MAN2B2: variants seen among roughly 807,000 people sequenced by gnomAD.
MAN2B2 encodes epididymis-specific alpha-mannosidase.
A neutral mutation model predicts 117.1 loss-of-function variants in MAN2B2; 106 were observed. The ratio of observed to expected loss-of-function variants is 0.90; its 90% confidence interval spans 0.77 to 1.06. The LOEUF (loss-of-function observed/expected upper bound fraction) is 1.06. Among genes scored for constraint, MAN2B2 ranks in the 50% least tolerant of loss-of-function variants. MAN2B2 has a pLI of 0.00. For synonymous variants in MAN2B2, 544 were observed against 595.1 expected, an observed-to-expected ratio of 0.91 and a Z score of 1.25; for missense variants, 1,326 against 1,381.4, an observed-to-expected ratio of 0.96 and a Z score of 0.64.
Position 6,579,075 on chromosome 4 carries a change from C to T in MAN2B2, c.391+577C>T, listed in dbSNP as rs796756886. ...ATCACCACCACCATCACCATCACCA[C>T]CACCACCACCATCACCATCACCAGC... is the stretch of plus-strand genomic sequence containing the variant. On this transcript the variant is annotated intron_variant, in intron 3 of 18. Coordinates refer to ENST00000285599, the MANE Select transcript of MAN2B2 (RefSeq NM_015274.3). Among the ~76,000 whole-genome samples, 571 of 66,460 alleles carry T rather than the reference C, an allele frequency of 8.6e-3. 3 individuals carry two copies. Among genetic ancestry groups the T allele is most frequent in the East Asian group, 0.013 (25 of 1,874 alleles). The allele number at this position is 66,460 out of a possible 152,430, so 43.6% of individuals were successfully genotyped here.
chr4:6,575,357 C>T lies in MAN2B2; in HGVS notation c.138+9C>T, dbSNP rs1005487702. On this transcript the variant is annotated intron_variant, in intron 1 of 18. Coordinates refer to ENST00000285599, the MANE Select transcript of MAN2B2 (RefSeq NM_015274.3). ...GGGTCTACACTGTGCAGGTAGGTGC[C>T]GACCACGCCCCGCGCGCCCCTGAGG... The T allele has an allele frequency of 7.2e-6, 11 of 1,520,224 alleles. No individual in the cohort carries two copies. Among genetic ancestry groups the T allele is most frequent in the African/African-American group, 5.6e-5 (4 of 71,574 alleles). 94.2% of individuals were successfully genotyped at this position (1,520,224 alleles called of 1,614,324 possible).
Position 6,589,173 on chromosome 4 carries a change from C to T in MAN2B2, c.680+13C>T. The T allele has an allele frequency of 1.3e-6, 2 of 1,589,208 alleles. No homozygotes were observed. The highest frequency in any genetic ancestry group is 1.7e-6 in the Non-Finnish European group (2 of 1,157,226). ...CTTTCTCCAACAGGTACGTGCCCTT[C>T]CGCAGTGCCTTTGGGATCTCAGACA... On this transcript the variant is annotated intron_variant, in intron 5 of 18. Transcript: ENST00000285599.
At chr4:6,620,839 C>T (rs537217557) in intron 18 of MAN2B2, 20 of 228,266 alleles carry the variant, frequency 8.8e-5, no homozygotes, top group Middle Eastern at 1.5e-3. Context: ...CAGATGGTCT[C>T]AGAAAGCTCT....
At chr4:6,577,941 A>G (rs542028620) in intron 2 of MAN2B2, among the ~76,000 whole-genome samples, 3 of 152,334 alleles carry the variant, frequency 2.0e-5, no homozygotes, top group East Asian at 3.9e-4. Flanking sequence ...CACCTTAAGA[A>G]ACAAACCAAA....
chr4:6,611,736 G>A (rs1003782117), intron 15 of MAN2B2, among the ~76,000 whole-genome samples: 1 of 152,310 alleles, frequency 6.6e-6, no homozygotes, highest in African/African-American at 2.4e-5. Context: ...AGAGGTTGCA[G>A]GGAGCTGAGA....
chr4:6,617,270 A>T (rs1711925148), intron 16 of MAN2B2, 110 bp from the exon 17 acceptor site: 1 of 756,464 alleles, frequency 1.3e-6, no homozygotes, highest in South Asian at 1.7e-5. Flanking sequence ...CATATCGAGG[A>T]GGTTACAGAT....
intron 7 of MAN2B2, among the ~76,000 whole-genome samples, chr4:6,596,089 G>A (rs542736372): frequency 6.6e-5 from 10 of 152,192 alleles, no homozygotes; most frequent in Middle Eastern, 3.4e-3. Flanking sequence ...GGATATACCC[G>A]AGTCAAGTTG....
chr4:6,608,994 G>C (rs536538360), intron 11 of MAN2B2, 113 bp from the exon 12 acceptor site: 1 of 936,398 alleles, frequency 1.1e-6, no homozygotes, highest in South Asian at 1.7e-5. Context: ...ACATGGCCTC[G>C]TGAGTGCTAC....
chr4:6,575,723 G>C (rs1199457375), intron 1 of MAN2B2, among the ~76,000 whole-genome samples: 1 of 152,168 alleles, frequency 6.6e-6, no homozygotes, highest in Non-Finnish European at 1.5e-5. Context: ...GGTCCCCTGC[G>C]GGGCTGAATA....
chr4:6,579,337 C>CACCACCACCATCACCACCACCACCAT (rs1726312313), intron 3 of MAN2B2, among the ~76,000 whole-genome samples: 1 of 83,190 alleles, frequency 1.2e-5, no homozygotes, highest in Non-Finnish European at 2.6e-5. Context: ...ACCACCACCA[C>CACCACCACCATCACCACCACCACCAT]CACCATCACC....
At chr4:6,576,758 G>A (rs1182905340) in intron 2 of MAN2B2, 34 bp downstream of exon 2, 3 of 1,609,678 alleles carry the variant, frequency 1.9e-6, no homozygotes, top group Non-Finnish European at 2.5e-6. Flanking sequence ...AGTTGGCCCA[G>A]TATCCTGGCA....
At chr4:6,585,281 G>A (rs1486520876) in intron 3 of MAN2B2, among the ~76,000 whole-genome samples, 1 of 152,134 alleles carries the variant, frequency 6.6e-6, no homozygotes, top group Admixed American at 6.5e-5. Context: ...CTCAGCCAGG[G>A]TCCCCAGGAC....
Position 6,610,166 on chromosome 4 carries a change from C to G in MAN2B2, c.2259+116C>G, listed in dbSNP as rs1560660067. On this transcript the variant is annotated intron_variant, in intron 13 of 18. Transcript: ENST00000285599. ...GGCCTCCAGTGAGAATGTTTTTTTC[C>G]TTTTTTTTAAGATGGAGTCTCACTC... 4.9e-6 allele frequency: 7 copies of G among 1,434,380 alleles called. No individual in the cohort carries two copies. The African/African-American group carries it at 7.2e-5, about 15-fold the overall frequency. The allele number at this position is 1,434,380 out of a possible 1,614,324, so 88.9% of individuals were successfully genotyped here.
At chr4:6,577,380 G>C (rs1230788252) in intron 2 of MAN2B2, among the ~76,000 whole-genome samples, 1 of 152,198 alleles carries the variant, frequency 6.6e-6, no homozygotes, top group Non-Finnish European at 1.5e-5. Context: ...TTCCTCCCAG[G>C]TATCCACCTG....
Position 6,605,296 on chromosome 4 carries a change from A to G in MAN2B2, c.1781A>G (p.Gln594Arg), listed in dbSNP as rs1434144281. Residue 594 changes from glutamine to arginine, a missense_variant, in exon 11 of 19, where the codon CAG becomes CGG. Transcript: ENST00000285599. ...GACTGCTACATTGTGCTGCTCGACC[A>G]GGATACCAACCTGATGCACAGCATC... ...ANDCYIVLLD[Q>R]DTNLMHSIWE... 1.2e-6 allele frequency: 2 copies of G among 1,613,540 alleles called. No individual in the cohort carries two copies. The highest frequency in any genetic ancestry group is 1.7e-5 in the Admixed American group (1 of 60,006).
chr4:6,579,045 CCACCATCACCACCACCAT>C lies in MAN2B2; in HGVS notation c.391+565_391+582del, dbSNP rs1726195624. 7.6e-5 allele frequency among the ~76,000 whole-genome samples: 7 copies of C among 91,614 alleles called. No individual in the cohort carries two copies. The East Asian group carries it at 1.6e-3, about 21-fold the overall frequency. 60.1% of individuals were successfully genotyped at this position (91,614 alleles called of 152,430 possible). On this transcript the variant is annotated intron_variant, in intron 3 of 18. Coordinates refer to ENST00000285599, the MANE Select transcript of MAN2B2 (RefSeq NM_015274.3). The stretch of plus-strand genomic sequence containing the variant: ...ATCACCATCACCACTACCACCATCA[CCACCATCACCACCACCAT>C]CACCATCACCACCACCACCACCATC...
chr4:6,586,294 C>T (rs1220649964), intron 3 of MAN2B2, among the ~76,000 whole-genome samples: 1 of 152,184 alleles, frequency 6.6e-6, no homozygotes, highest in Admixed American at 6.5e-5. Flanking sequence ...CTCCTGGGCT[C>T]AAGCGATCCT....
chr4:6,606,563 C>T (rs139999068), intron 11 of MAN2B2, among the ~76,000 whole-genome samples: 55 of 152,372 alleles, frequency 3.6e-4, no homozygotes, highest in East Asian at 1.7e-3. Context: ...GGGTCCCACC[C>T]GGCATTTCCA....
intron 10 of MAN2B2, among the ~76,000 whole-genome samples, chr4:6,602,851 T>G (rs999527615): frequency 1.3e-5 from 2 of 152,000 alleles, no homozygotes; most frequent in Non-Finnish European, 2.9e-5. Context: ...TTTTGTTTGT[T>G]TTTTGGTAGA....
Sources: gnomAD v4.1 joint callset for allele counts (sites outside exome capture counted in the v4.1 genomes callset) on GRCh38, gnomAD v4.1.1 for gene constraint, MANE v1.5 for transcripts, NCBI Gene and HGNC (gene_info 2026-07-23, HGNC 2026-07-21) for gene names.